The following PDGFC variants were observed in gnomAD, a reference collection of about 807,000 sequenced individuals.
PDGFC encodes the protein platelet-derived growth factor C.
Under a neutral mutation model 35.5 loss-of-function variants are expected in PDGFC, and 12 were observed. The observed-to-expected ratio is 0.34, with a 90% CI of 0.22 to 0.55. The LOEUF is 0.55. PDGFC is among the 20% of genes least tolerant of loss of function. The pLI, the probability that PDGFC is intolerant of heterozygous loss-of-function variation, is 0.91. For synonymous variants in PDGFC, 159 were observed against 148.8 expected (o/e 1.07, Z -0.50); for missense variants, 322 against 412.4 (o/e 0.78, Z 1.90).
chr4:156,906,650 T>C (rs548781178), intron 1 of PDGFC, among the ~76,000 whole-genome samples: 73 of 152,298 alleles, frequency 4.8e-4, no homozygotes, highest in African/African-American at 1.7e-3. Context: ...CAAAGGTTTA[T>C]CTTTGAAGTT....
chr4:156,935,082 G>A (rs1428478060), intron 1 of PDGFC, among the ~76,000 whole-genome samples: 1 of 152,084 alleles, frequency 6.6e-6, no homozygotes, highest in Non-Finnish European at 1.5e-5. Flanking sequence ...TGCAACCTCT[G>A]CTTCCTGGGT....
chr4:156,882,031 A>C (rs1055379035), intron 1 of PDGFC, among the ~76,000 whole-genome samples: 3 of 152,016 alleles, frequency 2.0e-5, no homozygotes, highest in Non-Finnish European at 4.4e-5. Context: ...ATGAAAATGG[A>C]CTAATACACT....
intron 1 of PDGFC, among the ~76,000 whole-genome samples, chr4:156,856,584 T>C (rs1050792043): frequency 2.0e-5 from 3 of 152,120 alleles, no homozygotes; most frequent in Non-Finnish European, 4.4e-5. Context: ...TCTACCACAC[T>C]ACAATTCCTA....
At chr4:156,891,364 A>G (rs1053271021) in intron 1 of PDGFC, among the ~76,000 whole-genome samples, 1 of 148,158 alleles carries the variant, frequency 6.7e-6, no homozygotes, top group Non-Finnish European at 1.5e-5. Context: ...GACCATCTTC[A>G]TATGTATATG....
chr4:156,763,638 GT>G (rs1209965272), intron 5 of PDGFC, among the ~76,000 whole-genome samples: 1 of 152,136 alleles, frequency 6.6e-6, no homozygotes, highest in African/African-American at 2.4e-5. Flanking sequence ...ATACACTCAA[GT>G]GCAGAAATAC....
chr4:156,761,087 C>G lies in PDGFC; in HGVS notation c.*2003G>C, dbSNP rs530958208. ...TCAAAGCACAGGAAAAGGGTGCTTG[C>G]CTGAAGAGCAGTCTGAAGACAGAAG... On this transcript the variant is annotated 3_prime_UTR_variant, in exon 6 of 6. Coordinates refer to ENST00000502773, the MANE Select transcript of PDGFC (RefSeq NM_016205.3). 10 of 152,230 alleles carry G rather than the reference C, an allele frequency of 6.6e-5. No homozygotes were observed. The highest frequency in any genetic ancestry group is 2.4e-4 in the African/African-American group (10 of 41,518). 9.4% of individuals were successfully genotyped at this position (152,230 alleles called of 1,614,324 possible). A position where few individuals can be genotyped will look rare whatever the true frequency, so the allele number is the denominator to read the frequency against.
At chr4:156,800,134 AAAATG>A (rs1731559946) in intron 3 of PDGFC, among the ~76,000 whole-genome samples, 2 of 152,176 alleles carry the variant, frequency 1.3e-5, no homozygotes, top group Non-Finnish European at 2.9e-5. Flanking sequence ...TTTAATCTAC[AAAATG>A]GTAGTAATAT....
intron 1 of PDGFC, among the ~76,000 whole-genome samples, chr4:156,926,647 C>T (rs983042934): frequency 6.6e-6 from 1 of 152,238 alleles, no homozygotes; most frequent in Non-Finnish European, 1.5e-5. Context: ...CCATGTCTCA[C>T]ATCCAGGTCA....
chr4:156,812,059 T>C (rs1731947904), intron 2 of PDGFC, among the ~76,000 whole-genome samples: 1 of 152,092 alleles, frequency 6.6e-6, no homozygotes, highest in Non-Finnish European at 1.5e-5. Flanking sequence ...TGTTTTGCAC[T>C]GTTTTAGTTA....
intron 3 of PDGFC, among the ~76,000 whole-genome samples, chr4:156,801,614 T>C (rs974886627): frequency 1.3e-5 from 2 of 152,222 alleles, no homozygotes; most frequent in African/African-American, 2.4e-5. Flanking sequence ...GCACATACTA[T>C]GTCCTTAATA....
chr4:156,763,140 C>A lies in PDGFC; in HGVS notation c.988G>T (p.Glu330Ter). ...LHKSLTDVAL[E>*]HHEECDCVCR... ...ACACAGTCACACTCCTCATGGTGCT[C>A]CAGGGCCACGTCGGTGAGTGATTTG... Residue 330 changes from glutamate to a stop codon, truncating the protein, a stop_gained, in exon 6 of 6, where the codon GAG becomes TAG. Coordinates refer to ENST00000502773, the MANE Select transcript of PDGFC (RefSeq NM_016205.3). LOFTEE classifies it high-confidence loss of function. 1 of 1,613,264 alleles carries A rather than the reference C, an allele frequency of 6.2e-7. No individual in the cohort carries two copies. Among genetic ancestry groups the A allele is most frequent in the Non-Finnish European group, 8.5e-7 (1 of 1,179,250 alleles).
At chr4:156,871,821 A>T (rs567475821) in intron 1 of PDGFC, among the ~76,000 whole-genome samples, 1 of 152,158 alleles carries the variant, frequency 6.6e-6, no homozygotes, top group African/African-American at 2.4e-5. Flanking sequence ...TCTTGTAAAC[A>T]AACATTAGAA....
chr4:156,767,760 A>T lies in PDGFC; in HGVS notation c.921+13T>A, dbSNP rs1424578312. The stretch of plus-strand genomic sequence containing the variant: ...ATACCCGAAGGAAACCAAAAAGAAA[A>T]TTGTATACCTACCTCGTGGTATTTT... On this transcript the variant is annotated intron_variant, in intron 5 of 5. Coordinates refer to ENST00000502773, the MANE Select transcript of PDGFC (RefSeq NM_016205.3). The T allele has an allele frequency of 6.4e-7, 1 of 1,558,788 alleles. No homozygotes were observed. The highest frequency in any genetic ancestry group is 8.8e-7 in the Non-Finnish European group (1 of 1,129,988).
chr4:156,818,212 A>ATG (rs1209455391), intron 2 of PDGFC, among the ~76,000 whole-genome samples: 1 of 151,380 alleles, frequency 6.6e-6, no homozygotes, highest in Admixed American at 6.6e-5. Flanking sequence ...TGATTAAAAG[A>ATG]TATACACTCA....
At chr4:156,844,515 T>C (rs1208735708) in intron 2 of PDGFC, among the ~76,000 whole-genome samples, 1 of 152,050 alleles carries the variant, frequency 6.6e-6, no homozygotes, top group East Asian at 1.9e-4. Context: ...TTCTTTGGAA[T>C]TTTTTTAATG....
chr4:156,823,706 TA>T (rs1444735996), intron 2 of PDGFC, among the ~76,000 whole-genome samples: 4 of 152,194 alleles, frequency 2.6e-5, no homozygotes, highest in Middle Eastern at 3.4e-3. Context: ...AAAATAGAAA[TA>T]CCATATGACC....
chr4:156,822,522 T>C (rs1413922924), intron 2 of PDGFC, among the ~76,000 whole-genome samples: 2 of 152,060 alleles, frequency 1.3e-5, no homozygotes, highest in Non-Finnish European at 2.9e-5. Flanking sequence ...ATAAGGCTTG[T>C]AAAATATTCA....
chr4:156,889,134 A>G (rs1357465151), intron 1 of PDGFC, among the ~76,000 whole-genome samples: 2 of 152,170 alleles, frequency 1.3e-5, no homozygotes, highest in Non-Finnish European at 1.5e-5. Flanking sequence ...TCAAAAACCT[A>G]GTTTTCTTGC....
At chr4:156,909,090 C>G (rs973317320) in intron 1 of PDGFC, among the ~76,000 whole-genome samples, 4 of 152,016 alleles carry the variant, frequency 2.6e-5, no homozygotes, top group African/African-American at 9.7e-5. Flanking sequence ...GAATAAATAC[C>G]AGCATTTGAG....
Sources: allele counts gnomAD v4.1 joint callset (sites outside exome capture counted in the v4.1 genomes callset), GRCh38; gene constraint gnomAD v4.1.1; transcripts MANE v1.5; gene names NCBI Gene and HGNC (gene_info 2026-07-23, HGNC 2026-07-21).